The following TPST2 variants were observed in gnomAD, a reference collection of about 807,000 sequenced individuals.
TPST2 encodes the protein protein-tyrosine sulfotransferase 2.
A neutral mutation model predicts 27.8 loss-of-function variants in TPST2; 16 were observed. The ratio of observed to expected loss-of-function variants is 0.58; its 90% CI spans 0.39 to 0.88. The LOEUF (loss-of-function observed/expected upper bound fraction) is 0.88. Among genes scored for constraint, TPST2 ranks in the 40% least tolerant of loss-of-function variants. The probability of loss-of-function intolerance (pLI) is 0.00; values close to 1 mark genes in which losing one functional copy is unlikely to be tolerated. For missense variants in TPST2, 464 were observed against 543.1 expected, an observed-to-expected ratio of 0.85 and a Z score of 1.45; for synonymous variants, 229 against 231.7, an observed-to-expected ratio of 0.99 and a Z score of 0.10.
At chr22:26,551,883 C>CTTTTTTTTT (rs1163793644) in intron 1 of TPST2, among the ~76,000 whole-genome samples, 65 of 66,414 alleles carry the variant, frequency 9.8e-4, no homozygotes, top group Non-Finnish European at 1.5e-3. Context: ...TTTTCTTTTT[C>CTTTTTTTTT]TTTTTTTTTT....
At chr22:26,530,631 CA>C (rs34776057) in intron 5 of TPST2, among the ~76,000 whole-genome samples, 72 of 118,066 alleles carry the variant, frequency 6.1e-4, no homozygotes, top group East Asian at 8.0e-4. Flanking sequence ...AACCCCATCT[CA>C]AAAAAAAAAA....
chr22:26,536,974 C>T (rs896925378), intron 3 of TPST2, among the ~76,000 whole-genome samples: 22 of 151,906 alleles, frequency 1.4e-4, no homozygotes, highest in Admixed American at 6.6e-4. Flanking sequence ...TGCTTGAGCC[C>T]GGGAGGTTGA....
chr22:26,536,296 T>C lies in TPST2; in HGVS notation c.1033A>G (p.Thr345Ala). Residue 345 changes from threonine (T) to alanine (A), a missense_variant, in exon 4 of 7, where the codon ACA becomes GCA. By Grantham distance (58) the Thr-to-Ala change is moderately conservative (BLOSUM62 0). Coordinates refer to ENST00000338754, the MANE Select transcript of TPST2 (RefSeq NM_003595.5). Reference protein sequence around the residue: ...GNPDPFVINNTQRVLKGDYKT... With the variant: ...GNPDPFVINNAQRVLKGDYKT... ...TACAGGTGCACACTCACCCGCTGTG[T>C]GTTGTTGATGACGAAGGGGTCAGGG... 6.2e-7 allele frequency: 1 copy of C among 1,613,994 alleles called. No homozygotes were observed. Among genetic ancestry groups the C allele is most frequent in the Non-Finnish European group, 8.5e-7 (1 of 1,179,994 alleles).
At chr22:26,553,160 G>A (rs916893175) in intron 1 of TPST2, among the ~76,000 whole-genome samples, 2 of 151,946 alleles carry the variant, frequency 1.3e-5, no homozygotes, top group Admixed American at 1.3e-4. Flanking sequence ...GAGCCGAGGT[G>A]GAAGCCAGTT....
At chr22:26,555,894 C>T (rs1926769674) in intron 1 of TPST2, among the ~76,000 whole-genome samples, 1 of 152,226 alleles carries the variant, frequency 6.6e-6, no homozygotes. Flanking sequence ...GAATGGGCTG[C>T]TCACACTCTG....
At chr22:26,572,693 T>C (rs1354027318) in intron 1 of TPST2, among the ~76,000 whole-genome samples, 3 of 152,134 alleles carry the variant, frequency 2.0e-5, no homozygotes, top group Non-Finnish European at 4.4e-5. Flanking sequence ...CACCATTCTG[T>C]ATGGTAAATG....
Position 26,590,094 on chromosome 22 carries a change from TCCCGGC to T in TPST2, c.-208_-203del, listed in dbSNP as rs1928501506. The T allele has an allele frequency of 6.6e-6, 1 of 151,648 alleles. No homozygotes were observed. The highest frequency in any genetic ancestry group is 6.6e-5 in the Admixed American group (1 of 15,238). The allele number at this position is 151,648 out of a possible 1,614,324, so 9.4% of individuals were successfully genotyped here. A position where few individuals can be genotyped will look rare whatever the true frequency, so the allele number is the denominator to read the frequency against. ...GAGGCAGCCCCACGCACCCAGCGAC[TCCCGGC>T]TCTCCAGCCGCCCCAGCCGGGGAAG... On this transcript the variant is annotated 5_prime_UTR_variant, in exon 1 of 7. Transcript: ENST00000338754.
intron 1 of TPST2, among the ~76,000 whole-genome samples, chr22:26,575,794 G>A (rs1453779929): frequency 6.6e-6 from 1 of 152,198 alleles, no homozygotes; most frequent in Non-Finnish European, 1.5e-5. Flanking sequence ...AGGAGTTCCA[G>A]ACCAGCCTGA....
rs193130903 is a variant in TPST2 at position 26,523,004 on chromosome 22, T to C, written c.*3271A>G. ...TGAGCCCAGGAGTTAGAGGTTGCAG[T>C]GAGCTGTGTTTGCAGGAGTTAGAGG... On this transcript the variant is annotated 3_prime_UTR_variant, in exon 7 of 7. Coordinates refer to ENST00000338754, the MANE Select transcript of TPST2 (RefSeq NM_003595.5). 9.2e-5 allele frequency: 14 copies of C among 151,954 alleles called. No homozygotes were observed. In the East Asian group the frequency reaches 1.7e-3, roughly 19 times the overall value. 9.4% of individuals were successfully genotyped at this position (151,954 alleles called of 1,614,324 possible). A position where few individuals can be genotyped will look rare whatever the true frequency, so the allele number is the denominator to read the frequency against.
chr22:26,560,500 G>T (rs1387477267), intron 1 of TPST2: 2 of 807,330 alleles, frequency 2.5e-6, no homozygotes, highest in Non-Finnish European at 4.3e-6. Flanking sequence ...GGGCGACTGT[G>T]CCTCGCTGAG....
chr22:26,534,914 C>G (rs1431173183), intron 4 of TPST2, among the ~76,000 whole-genome samples: 1 of 151,974 alleles, frequency 6.6e-6, no homozygotes, highest in African/African-American at 2.4e-5. Context: ...GGGTTGCAGC[C>G]ATTCACCTGT....
chr22:26,569,581 G>A (rs993880936), intron 1 of TPST2, among the ~76,000 whole-genome samples: 4 of 151,944 alleles, frequency 2.6e-5, no homozygotes, highest in African/African-American at 9.7e-5. Flanking sequence ...GCCAAGAGCT[G>A]GAGGCTGCAA....
At chr22:26,545,079 A>G (rs1359647683) in intron 1 of TPST2, among the ~76,000 whole-genome samples, 1 of 152,200 alleles carries the variant, frequency 6.6e-6, no homozygotes, top group African/African-American at 2.4e-5. Context: ...ATGGCTGGGT[A>G]TGGTTGATCA....
chr22:26,546,076 CAAAA>C (rs756682739), intron 1 of TPST2, among the ~76,000 whole-genome samples: 1 of 69,776 alleles, frequency 1.4e-5, no homozygotes. Context: ...GACCACGTCT[CAAAA>C]AAAAAAAAAA....
At chr22:26,549,855 C>A (rs1047900780) in intron 1 of TPST2, among the ~76,000 whole-genome samples, 1 of 141,078 alleles carries the variant, frequency 7.1e-6, no homozygotes, top group African/African-American at 2.7e-5. Context: ...ACGGTGAAAC[C>A]CCCCTCTCTA....
chr22:26,538,679 G>C (rs768392593), intron 3 of TPST2, among the ~76,000 whole-genome samples: 3 of 152,156 alleles, frequency 2.0e-5, no homozygotes, highest in Non-Finnish European at 4.4e-5. Flanking sequence ...AAAATTAGCA[G>C]AGCGTGGTGG....
intron 1 of TPST2, among the ~76,000 whole-genome samples, chr22:26,554,454 G>A: frequency 6.6e-6 from 1 of 152,130 alleles, no homozygotes; most frequent in East Asian, 1.9e-4. Context: ...CCCACCATGG[G>A]ATCCCGTCTC....
Position 26,525,610 on chromosome 22 carries a change from C to T in TPST2, c.*665G>A, listed in dbSNP as rs972379177. ...ATTCTGAGTTCTTCTAGCCAATCAT[C>T]GATCCTGGGGGTGGCCCTGGGGACC... On this transcript the variant is annotated 3_prime_UTR_variant, in exon 7 of 7. Transcript: ENST00000338754. 2.6e-5 allele frequency: 4 copies of T among 152,326 alleles called. No individual in the cohort carries two copies. Among genetic ancestry groups the T allele is most frequent in the Admixed American group, 6.5e-5 (1 of 15,302 alleles). The allele number at this position is 152,326 out of a possible 1,614,324, so 9.4% of individuals were successfully genotyped here.
intron 1 of TPST2, among the ~76,000 whole-genome samples, chr22:26,545,169 C>T (rs1926051436): frequency 6.6e-6 from 1 of 152,210 alleles, no homozygotes. Flanking sequence ...TTGAACACAA[C>T]ATCCTACTGT....
Sources: gnomAD v4.1 joint callset for allele counts (sites outside exome capture counted in the v4.1 genomes callset) on GRCh38, gnomAD v4.1.1 for gene constraint, MANE v1.5 for transcripts, NCBI Gene and HGNC (gene_info 2026-07-23, HGNC 2026-07-21) for gene names.